The following LY96 variants were observed in gnomAD, a reference collection of about 807,000 sequenced individuals.
LY96 encodes the protein lymphocyte antigen 96.
A neutral mutation model predicts 18.9 loss-of-function variants in LY96; 18 were observed. The ratio of observed to expected loss-of-function variants is 0.95; its 90% confidence interval spans 0.66 to 1.41. The LOEUF is 1.41. LY96 is among the 40% of genes most tolerant of loss of function. The pLI is 0.00. For synonymous variants in LY96, 66 were observed against 62.6 expected (o/e 1.06, Z -0.26); for missense variants, 175 against 182.4 (o/e 0.96, Z 0.23).
chr8:74,041,053 G>A, the LY96 span, among the ~76,000 whole-genome samples: 1 of 152,080 alleles, frequency 6.6e-6, no homozygotes, highest in South Asian at 2.1e-4. Flanking sequence ...CCCAAACGGA[G>A]GGATCAGCTG....
chr8:74,007,521 C>T (rs1198153518), intron 2 of LY96, among the ~76,000 whole-genome samples: 1 of 152,092 alleles, frequency 6.6e-6, no homozygotes, highest in Non-Finnish European at 1.5e-5. Context: ...TTTATGGCCT[C>T]ATTTCTACTT....
At chr8:74,020,594 A>G (rs1816738750) in intron 3 of LY96, among the ~76,000 whole-genome samples, 1 of 152,238 alleles carries the variant, frequency 6.6e-6, no homozygotes, top group Non-Finnish European at 1.5e-5. Flanking sequence ...GGAACCAAAA[A>G]AGAGCCTGCA....
chr8:74,031,634 C>CAA (rs59273111), downstream of LY96, among the ~76,000 whole-genome samples: 5 of 103,618 alleles, frequency 4.8e-5, no homozygotes, highest in African/African-American at 1.3e-4. Flanking sequence ...GACTCTGTCT[C>CAA]AAAAAAAAAA....
downstream of LY96, chr8:74,029,135 G>T: frequency 1.3e-6 from 1 of 780,472 alleles, no homozygotes; most frequent in South Asian, 1.5e-5. Flanking sequence ...AATCAGATAT[G>T]GTAGGATAGG....
intron 2 of LY96, among the ~76,000 whole-genome samples, chr8:74,005,298 C>T (rs375128387): frequency 9.2e-5 from 14 of 152,094 alleles, no homozygotes; most frequent in South Asian, 4.1e-4. Flanking sequence ...TCAAAGCCAG[C>T]GAGGGGGACA....
chr8:74,029,015 C>G lies in LY96; in HGVS notation c.444C>G (p.Cys148Trp), dbSNP rs762568528. ...GGAGCCCAGAAGAAATGCTCTTTTG[C>G]TTGGAGTTTGTCATCCTACACCAAC... ...ISGSPEEMLF[C>W]LEFVILHQPN... The change falls in exon 5 of 5, where the codon TGC becomes TGG. Residue 148 changes from cysteine (C) to tryptophan (W), a missense_variant. Coordinates refer to ENST00000284818, the MANE Select transcript of LY96 (RefSeq NM_015364.5). The G allele has an allele frequency of 3.1e-6, 5 of 1,611,802 alleles. No homozygotes were observed. The highest frequency in any genetic ancestry group is 4.2e-6 in the Non-Finnish European group (5 of 1,178,746).
chr8:74,063,323 A>G, the LY96 span, among the ~76,000 whole-genome samples: 2 of 152,220 alleles, frequency 1.3e-5, no homozygotes, highest in Non-Finnish European at 2.9e-5. Flanking sequence ...CTACTTGTTC[A>G]AATTGTTACT....
chr8:74,032,333 A>C (rs7821246), downstream of LY96, among the ~76,000 whole-genome samples: 27,354 of 152,202 alleles, frequency 0.18, 2,790 homozygotes, highest in African/African-American at 0.29. Flanking sequence ...AAGAAGTAAA[A>C]ACTAAAAGGC....
the LY96 span, among the ~76,000 whole-genome samples, chr8:74,057,089 C>A: frequency 6.6e-6 from 1 of 152,166 alleles, no homozygotes; most frequent in Non-Finnish European, 1.5e-5. Flanking sequence ...AGAGAGTTTG[C>A]ATGCAGAAAA....
At chr8:73,992,314 T>C (rs1192526365) in intron 1 of LY96, among the ~76,000 whole-genome samples, 1 of 152,122 alleles carries the variant, frequency 6.6e-6, no homozygotes, top group African/African-American at 2.4e-5. Flanking sequence ...CTGCTTACCA[T>C]GGGTTGGCTG....
At chr8:74,043,937 G>A in the LY96 span, among the ~76,000 whole-genome samples, 5 of 152,160 alleles carry the variant, frequency 3.3e-5, no homozygotes, top group Non-Finnish European at 5.9e-5. Flanking sequence ...AGGCTCAAGC[G>A]ATCTTCCCGT....
rs1285730282 is a variant in LY96, at chr8:74,002,114, TC to T, written c.113-2681del. The stretch of plus-strand genomic sequence containing the variant: ...TTCTTTCTCTCTCTCTCTCTCTCTC[TC>T]TCTCTCTCTCTCTCTCTTTCTTTCC... On this transcript the variant is annotated intron_variant, in intron 1 of 4. Coordinates refer to ENST00000284818, the MANE Select transcript of LY96 (RefSeq NM_015364.5). Among the ~76,000 whole-genome samples, 7 of 133,044 alleles carry T rather than the reference TC, an allele frequency of 5.3e-5. 1 individual carries two copies. The highest frequency in any genetic ancestry group is 9.5e-5 in the Non-Finnish European group (6 of 63,386). The allele number at this position is 133,044 out of a possible 152,430, so 87.3% of individuals were successfully genotyped here. A position where few individuals can be genotyped will look rare whatever the true frequency, so the allele number is the denominator to read the frequency against.
intron 1 of LY96, among the ~76,000 whole-genome samples, chr8:74,004,225 G>A (rs1241306939): frequency 6.6e-6 from 1 of 152,198 alleles, no homozygotes; most frequent in Non-Finnish European, 1.5e-5. Flanking sequence ...GCAGAGGGGA[G>A]GATTAATGAT....
chr8:74,087,726 G>A, the LY96 span, among the ~76,000 whole-genome samples: 8 of 152,184 alleles, frequency 5.3e-5, no homozygotes, highest in Non-Finnish European at 1.0e-4. Flanking sequence ...ACATCGCCAA[G>A]CTTTCTAGTG....
chr8:74,031,326 T>G (rs1479423759), downstream of LY96, among the ~76,000 whole-genome samples: 1 of 152,226 alleles, frequency 6.6e-6, no homozygotes, highest in African/African-American at 2.4e-5. Context: ...ATGTGTTTTT[T>G]GCTAAAGAAA....
chr8:74,000,115 A>G (rs1373836028), intron 1 of LY96, among the ~76,000 whole-genome samples: 1 of 152,212 alleles, frequency 6.6e-6, no homozygotes, highest in African/African-American at 2.4e-5. Flanking sequence ...TTAATGATCT[A>G]TGAAATGCCT....
the LY96 span, among the ~76,000 whole-genome samples, chr8:74,088,020 G>C: frequency 2.0e-5 from 3 of 151,400 alleles, no homozygotes; most frequent in Admixed American, 6.6e-5. Flanking sequence ...TCTACCTGAG[G>C]CTTTTTTGCT....
At chr8:74,009,877 G>A (rs779159542) in intron 2 of LY96, 124 bp from the exon 3 acceptor site, 18 of 722,704 alleles carry the variant, frequency 2.5e-5, no homozygotes, top group Non-Finnish European at 3.8e-5. Flanking sequence ...GTAGATAGTT[G>A]TGATGATTAA....
At chr8:74,060,982 C>T in the LY96 span, among the ~76,000 whole-genome samples, 2 of 152,310 alleles carry the variant, frequency 1.3e-5, no homozygotes, top group Middle Eastern at 3.4e-3. Context: ...TCTATACCTT[C>T]GTGTCCTGGA....
Sources: allele counts gnomAD v4.1 joint callset (sites outside exome capture counted in the v4.1 genomes callset), GRCh38; gene constraint gnomAD v4.1.1; transcripts MANE v1.5; gene names NCBI Gene and HGNC (gene_info 2026-07-23, HGNC 2026-07-21).